The following ANTXR1 variants were observed in gnomAD, a reference collection of about 807,000 sequenced individuals.
ANTXR1 encodes the protein anthrax toxin receptor 1.
Under a neutral mutation model 78.1 loss-of-function variants are expected in ANTXR1, and 19 were observed. The observed-to-expected ratio is 0.24, with a 90% CI of 0.17 to 0.36. ANTXR1 has a LOEUF of 0.36. Ranked by LOEUF, ANTXR1 falls within the 10% of genes least tolerant of loss-of-function variation. The pLI is 1.00. For synonymous variants in ANTXR1, 273 were observed against 260.5 expected, an observed-to-expected ratio of 1.05 and a Z score of -0.46; for missense variants, 518 against 718.6, an observed-to-expected ratio of 0.72 and a Z score of 3.19.
chr2:69,099,478 G>A (rs1463415503), intron 9 of ANTXR1, among the ~76,000 whole-genome samples: 1 of 152,108 alleles, frequency 6.6e-6, no homozygotes, highest in Non-Finnish European at 1.5e-5. Context: ...GGAATTTGGG[G>A]GTCATAAGGT....
Position 69,193,471 on chromosome 2 carries a change from A to T in ANTXR1, c.1434+56A>T, listed in dbSNP as rs935377108. Reference sequence around the variant, plus strand: ...CTCTCTCTCTCTCTCACATACACACACACACACACACACACACACATATTC... The same window carrying T: ...CTCTCTCTCTCTCTCACATACACACTCACACACACACACACACACATATTC... On this transcript the variant is annotated intron_variant, in intron 17 of 17. Coordinates refer to ENST00000303714, the MANE Select transcript of ANTXR1 (RefSeq NM_032208.3). 1.5e-4 allele frequency: 183 copies of T among 1,256,158 alleles called. 1 individual carries two copies. In the African/African-American group the frequency reaches 2.4e-3, roughly 16 times the overall value. The allele number at this position is 1,256,158 out of a possible 1,614,324, so 77.8% of individuals were successfully genotyped here. A position where few individuals can be genotyped will look rare whatever the true frequency, so the allele number is the denominator to read the frequency against.
intron 3 of ANTXR1, among the ~76,000 whole-genome samples, chr2:69,048,575 G>A (rs993936992): frequency 2.6e-5 from 4 of 151,956 alleles, no homozygotes; most frequent in Admixed American, 6.6e-5. Flanking sequence ...TTCTTTCCCC[G>A]ATTGATTAGC....
At chr2:69,070,841 G>A (rs1670541805) in intron 4 of ANTXR1, 113 bp downstream of exon 4, 1 of 902,262 alleles carries the variant, frequency 1.1e-6, no homozygotes, top group East Asian at 2.6e-5. Flanking sequence ...GCACCCAATA[G>A]CAAGAGAGTA....
At chr2:69,166,731 G>C (rs1251907872) in intron 13 of ANTXR1, among the ~76,000 whole-genome samples, 1 of 152,164 alleles carries the variant, frequency 6.6e-6, no homozygotes, top group African/African-American at 2.4e-5. Context: ...GCGCCAAAGA[G>C]CCCACCCATA....
At chr2:69,143,977 G>A (rs1401097179) in intron 12 of ANTXR1, among the ~76,000 whole-genome samples, 1 of 152,202 alleles carries the variant, frequency 6.6e-6, no homozygotes, top group Non-Finnish European at 1.5e-5. Context: ...TATAAACTCT[G>A]GGAGAGAGAG....
intron 12 of ANTXR1, among the ~76,000 whole-genome samples, chr2:69,147,912 C>T (rs573034153): frequency 2.6e-5 from 4 of 152,244 alleles, no homozygotes; most frequent in South Asian, 2.1e-4. Flanking sequence ...GCACTGAGCA[C>T]GGTGGTTAGC....
rs2104538474 is a variant in ANTXR1, at chr2:69,246,949, A to C, written c.*1464A>C. ...TGGAACAAGGCAGAATATAAAATAA[A>C]TATACATTTAGTGGCTTGGGCTATG... On this transcript the variant is annotated 3_prime_UTR_variant, in exon 18 of 18. Coordinates refer to ENST00000303714, the MANE Select transcript of ANTXR1 (RefSeq NM_032208.3). The C allele has an allele frequency of 6.6e-6, 1 of 152,322 alleles. No individual in the cohort carries two copies. Among genetic ancestry groups the C allele is most frequent in the South Asian group, 2.1e-4 (1 of 4,826 alleles). The allele number at this position is 152,322 out of a possible 1,614,324, so 9.4% of individuals were successfully genotyped here. A position where few individuals can be genotyped will look rare whatever the true frequency, so the allele number is the denominator to read the frequency against.
chr2:69,115,159 C>T (rs990498477), intron 10 of ANTXR1, among the ~76,000 whole-genome samples: 24 of 152,208 alleles, frequency 1.6e-4, no homozygotes, highest in African/African-American at 5.5e-4. Flanking sequence ...GTTGCAGTAA[C>T]CAAAACTGCT....
At chr2:69,063,975 G>T (rs1402881652) in intron 3 of ANTXR1, among the ~76,000 whole-genome samples, 1 of 151,410 alleles carries the variant, frequency 6.6e-6, no homozygotes, top group Non-Finnish European at 1.5e-5. Flanking sequence ...CATGATCAAT[G>T]CAAAAGGATA....
At chr2:69,212,719 A>G (rs1675073546) in intron 17 of ANTXR1, among the ~76,000 whole-genome samples, 1 of 152,126 alleles carries the variant, frequency 6.6e-6, no homozygotes, top group African/African-American at 2.4e-5. Context: ...TAGAGTGATC[A>G]CAGCTCACTC....
chr2:69,047,156 C>A (rs1032936896), intron 3 of ANTXR1, among the ~76,000 whole-genome samples: 31 of 152,090 alleles, frequency 2.0e-4, no homozygotes, highest in African/African-American at 7.2e-4. Flanking sequence ...GACTTGAGTG[C>A]ATGGATTTGG....
intron 13 of ANTXR1, among the ~76,000 whole-genome samples, chr2:69,154,059 A>C (rs1297476127): frequency 6.6e-6 from 1 of 152,224 alleles, no homozygotes; most frequent in Non-Finnish European, 1.5e-5. Flanking sequence ...CTGTAATAGG[A>C]ATCTATTATG....
chr2:69,170,201 A>G (rs1041557946), intron 13 of ANTXR1, 47 bp from the exon 14 acceptor site: 1 of 1,609,074 alleles, frequency 6.2e-7, no homozygotes, highest in South Asian at 1.1e-5. Flanking sequence ...CTTAGGAGGC[A>G]GGTAGCCAGA....
chr2:69,106,421 T>A (rs757364047), intron 10 of ANTXR1, among the ~76,000 whole-genome samples: 1 of 152,186 alleles, frequency 6.6e-6, no homozygotes, highest in African/African-American at 2.4e-5. Flanking sequence ...AATAAAAACC[T>A]AAGTAAGAAA....
At chr2:69,084,217 C>T (rs1670978248) in intron 8 of ANTXR1, among the ~76,000 whole-genome samples, 1 of 152,160 alleles carries the variant, frequency 6.6e-6, no homozygotes, top group Admixed American at 6.5e-5. Flanking sequence ...CTAAATAAAC[C>T]ACATTTTGAA....
At chr2:69,167,002 A>G (rs796532854) in intron 13 of ANTXR1, among the ~76,000 whole-genome samples, 7 of 152,184 alleles carry the variant, frequency 4.6e-5, no homozygotes, top group African/African-American at 1.7e-4. Flanking sequence ...GATCTGTTTG[A>G]TAAGTAGGTG....
chr2:69,101,092 T>A (rs185674193), intron 9 of ANTXR1, among the ~76,000 whole-genome samples: 1 of 152,312 alleles, frequency 6.6e-6, no homozygotes, highest in Admixed American at 6.5e-5. Flanking sequence ...GAAGGCCTCT[T>A]ATACTTCTAA....
intron 8 of ANTXR1, 31 bp from the exon 9 acceptor site, chr2:69,090,828 G>A: frequency 2.0e-5 from 32 of 1,608,168 alleles, no homozygotes; most frequent in Non-Finnish European, 2.5e-5. Context: ...AATAAGCTGT[G>A]CATTGACTCT....
rs1558603352 is a variant in ANTXR1, at chr2:69,152,260, C to A, written c.1043C>A (p.Thr348Asn). ...TGGTGGTTCTGGCCCCTCTGCTGCA[C>A]TGTGGTAAGTGCCCCAAACCTCAGG... ...LLWWFWPLCC[T>N]VIIKEVPPPP... Residue 348 changes from threonine (T) to asparagine (N), a missense_variant, in exon 13 of 18, where the codon ACT becomes AAT. Physicochemically the swap from Thr to Asn is moderately conservative, Grantham distance 65. Transcript: ENST00000303714. 1.2e-6 allele frequency: 2 copies of A among 1,614,198 alleles called. No individual in the cohort carries two copies.
Sources: gnomAD v4.1 joint callset for allele counts (sites outside exome capture counted in the v4.1 genomes callset) on GRCh38, gnomAD v4.1.1 for gene constraint, MANE v1.5 for transcripts, NCBI Gene and HGNC (gene_info 2026-07-23, HGNC 2026-07-21) for gene names.